Variants in MAP2K6 observed in about 807,000 individuals in gnomAD.
The protein encoded by MAP2K6 is mitogen-activated protein kinase kinase 6.
In MAP2K6, 16 loss-of-function variants were observed where a neutral mutation model predicts 53.7. That is an observed-to-expected ratio of 0.30 (90% CI 0.20 to 0.45). MAP2K6 has a LOEUF of 0.45. Ranked by LOEUF, MAP2K6 falls within the 20% of genes least tolerant of loss-of-function variation. MAP2K6 has a pLI of 1.00. For missense variants in MAP2K6, 204 were observed against 411.9 expected (o/e 0.50, Z 4.37); for synonymous variants, 132 against 143.1 (o/e 0.92, Z 0.55).
intron 1 of MAP2K6, among the ~76,000 whole-genome samples, chr17:69,462,993 G>T (rs1324202676): frequency 6.7e-6 from 1 of 149,468 alleles, no homozygotes; most frequent in African/African-American, 2.5e-5. Flanking sequence ...CAGCACGCAG[G>T]GTGCTTTCTG....
intron 2 of MAP2K6, among the ~76,000 whole-genome samples, chr17:69,512,945 T>C (rs1479405533): frequency 6.6e-6 from 1 of 152,166 alleles, no homozygotes; most frequent in Non-Finnish European, 1.5e-5. Context: ...GTTGTTCATA[T>C]AAAAAAATGA....
rs1168699059 is a variant in MAP2K6 at position 69,543,031 on chromosome 17, A to G, written c.*1278A>G. 2 of 152,174 alleles carry G rather than the reference A, an allele frequency of 1.3e-5. No individual in the cohort carries two copies. Among genetic ancestry groups the G allele is most frequent in the African/African-American group, 4.8e-5 (2 of 41,434 alleles). The allele number at this position is 152,174 out of a possible 1,614,324, so 9.4% of individuals were successfully genotyped here. A position where few individuals can be genotyped will look rare whatever the true frequency, so the allele number is the denominator to read the frequency against. On this transcript the variant is annotated 3_prime_UTR_variant, in exon 12 of 12. Coordinates refer to ENST00000590474, the MANE Select transcript of MAP2K6 (RefSeq NM_002758.4). Reference sequence around the variant, plus strand: ...ATAGCTGGCTCCTCTATAGGAGATGAGCTTCATTGGGAGTTCCTAGCAAGT... The same window carrying G: ...ATAGCTGGCTCCTCTATAGGAGATGGGCTTCATTGGGAGTTCCTAGCAAGT...
intron 1 of MAP2K6, among the ~76,000 whole-genome samples, chr17:69,463,675 T>TAC (rs955525407): frequency 2.6e-5 from 4 of 151,312 alleles, no homozygotes; most frequent in Admixed American, 6.6e-5. Context: ...TATATGTATA[T>TAC]ACACACACAC....
At chr17:69,539,327 C>T (rs1269451808) in intron 11 of MAP2K6, among the ~76,000 whole-genome samples, 2 of 152,178 alleles carry the variant, frequency 1.3e-5, no homozygotes, top group African/African-American at 4.8e-5. Context: ...CTTCTTGTCT[C>T]CCTGGCTCCT....
chr17:69,426,204 T>C lies in MAP2K6; in HGVS notation c.16+11204T>C, dbSNP rs574434208. Among the ~76,000 whole-genome samples, 23 of 152,382 alleles carry C rather than the reference T, an allele frequency of 1.5e-4. No individual in the cohort carries two copies. In the South Asian group the frequency reaches 2.1e-3, roughly 14 times the overall value. On this transcript the variant is annotated intron_variant, in intron 1 of 11. Coordinates refer to ENST00000590474, the MANE Select transcript of MAP2K6 (RefSeq NM_002758.4). ...ATAATACATTTTTGATCTATTGTTA[T>C]GTTTAAGACATCATGCTGGGTAGAA...
Position 69,528,109 on chromosome 17 carries a change from C to CAAAAAAAAAAAA in MAP2K6, c.881+1406_881+1417dup, listed in dbSNP as rs71357724. ...GAGCAACAAGAATAAAACTTCGTCT[C>CAAAAAAAAAAAA]AAAAAAAAAAAAAAAAAGCTGTGAA... On this transcript the variant is annotated intron_variant, in intron 10 of 11. Transcript: ENST00000590474. Among the ~76,000 whole-genome samples the CAAAAAAAAAAAA allele has an allele frequency of 1.2e-4, 9 of 75,702 alleles. 1 individual carries two copies. The highest frequency in any genetic ancestry group is 3.4e-4 in the African/African-American group (6 of 17,458). 49.7% of individuals were successfully genotyped at this position (75,702 alleles called of 152,430 possible).
intron 1 of MAP2K6, among the ~76,000 whole-genome samples, chr17:69,493,566 G>A (rs150390252): frequency 4.5e-4 from 68 of 152,222 alleles, no homozygotes; most frequent in African/African-American, 1.6e-3. Context: ...TTTGAGATCA[G>A]CCTGGCCAGC....
At chr17:69,449,553 C>CTTTCTTTCTT (rs1567821782) in intron 1 of MAP2K6, among the ~76,000 whole-genome samples, 2 of 105,486 alleles carry the variant, frequency 1.9e-5, no homozygotes, top group Non-Finnish European at 3.7e-5. Context: ...TTCTTTCTTT[C>CTTTCTTTCTT]TTTCTTTATT....
At chr17:69,444,507 G>A (rs1390842626) in intron 1 of MAP2K6, among the ~76,000 whole-genome samples, 2 of 152,188 alleles carry the variant, frequency 1.3e-5, no homozygotes, top group Non-Finnish European at 2.9e-5. Context: ...ACATATCGAA[G>A]GAAGGGGTCT....
At chr17:69,459,063 C>T (rs148975663) in intron 1 of MAP2K6, among the ~76,000 whole-genome samples, 6 of 152,316 alleles carry the variant, frequency 3.9e-5, no homozygotes, top group Admixed American at 2.6e-4. Context: ...GAAATTGGAT[C>T]TTACTGTGTC....
chr17:69,526,530 C>G, intron 9 of MAP2K6, 40 bp from the exon 10 acceptor site: 1 of 1,603,082 alleles, frequency 6.2e-7, no homozygotes, highest in Admixed American at 1.7e-5. Flanking sequence ...TAAAGCAGCC[C>G]TGTTGAAACT....
intron 1 of MAP2K6, among the ~76,000 whole-genome samples, chr17:69,470,079 C>T (rs985228802): frequency 6.6e-6 from 1 of 152,112 alleles, no homozygotes; most frequent in African/African-American, 2.4e-5. Flanking sequence ...GTGGTGTGTG[C>T]CTGTAGTCCT....
At chr17:69,415,050 AT>A in intron 1 of MAP2K6, 50 bp downstream of exon 1, 1 of 1,500,508 alleles carries the variant, frequency 6.7e-7, no homozygotes, top group Non-Finnish European at 9.2e-7. Flanking sequence ...TTGTGCATGC[AT>A]TTATGAATGC....
intron 1 of MAP2K6, among the ~76,000 whole-genome samples, chr17:69,466,479 T>TAGAC (rs1342894077): frequency 6.6e-6 from 1 of 152,190 alleles, no homozygotes; most frequent in Non-Finnish European, 1.5e-5. Flanking sequence ...AGAAAGTGTG[T>TAGAC]AGACCCTCCT....
At chr17:69,520,589 G>C in intron 6 of MAP2K6, 1 of 533,416 alleles carries the variant, frequency 1.9e-6, no homozygotes, top group Non-Finnish European at 3.3e-6. Context: ...TGGTTTGGCA[G>C]ACTCTAGGTT....
At chr17:69,501,209 C>T (rs779633658) in intron 1 of MAP2K6, among the ~76,000 whole-genome samples, 1 of 152,184 alleles carries the variant, frequency 6.6e-6, no homozygotes, top group Non-Finnish European at 1.5e-5. Flanking sequence ...TGTCAATAAT[C>T]ATAAACTCTC....
Position 69,526,589 on chromosome 17 carries a change from G to A in MAP2K6, c.761G>A (p.Arg254Gln), listed in dbSNP as rs146595343. ...GITMIELAIL[R>Q]FPYDSWGTPF... is the part of the protein sequence containing the mutation. ...CTCCAGATTGAGTTGGCCATCCTTC[G>A]ATTTCCCTATGATTCATGGGGAACT... Residue 254 changes from arginine to glutamine, a missense_variant, in exon 10 of 12, where the codon CGA (arginine) becomes CAA (glutamine). By Grantham distance (43) the Arg-to-Gln change is conservative. This residue lies in a region of MAP2K6 where 28 missense variants were observed against 102.5 expected (regional missense o/e 0.27). Transcript: ENST00000590474. 643 of 1,613,426 alleles carry A rather than the reference G, an allele frequency of 4.0e-4. No homozygotes were observed. Among genetic ancestry groups the A allele is most frequent in the African/African-American group, 1.6e-3 (120 of 74,946 alleles).
At chr17:69,487,271 C>T (rs1283480974) in intron 1 of MAP2K6, among the ~76,000 whole-genome samples, 1 of 152,130 alleles carries the variant, frequency 6.6e-6, no homozygotes, top group Non-Finnish European at 1.5e-5. Flanking sequence ...ATGGGAAAGC[C>T]GACTGCTTAC....
chr17:69,534,008 C>T (rs1284527261), intron 10 of MAP2K6, among the ~76,000 whole-genome samples: 1 of 152,206 alleles, frequency 6.6e-6, no homozygotes, highest in African/African-American at 2.4e-5. Context: ...GTTTCTTAAT[C>T]TCTGCACTCA....
Sources: allele counts gnomAD v4.1 joint callset (sites outside exome capture counted in the v4.1 genomes callset), GRCh38; gene constraint gnomAD v4.1.1; regional missense constraint gnomAD v4.1.1; transcripts MANE v1.5; gene names NCBI Gene and HGNC (gene_info 2026-07-23, HGNC 2026-07-21).